Variants in PIAS2 observed in about 807,000 individuals in gnomAD.
PIAS2 encodes the protein E3 SUMO-protein ligase PIAS2.
Under a neutral mutation model 69.7 loss-of-function variants are expected in PIAS2, and 19 were observed. That is an observed-to-expected ratio of 0.27 (90% CI 0.19 to 0.40). The LOEUF (loss-of-function observed/expected upper bound fraction) is 0.40, where lower values mean the gene tolerates loss of function less well. Among genes scored for constraint, PIAS2 ranks in the 10% least tolerant of loss-of-function variants. The pLI is 1.00. For synonymous variants in PIAS2, 261 were observed against 263.2 expected (o/e 0.99, Z 0.08); for missense variants, 624 against 757.0 (o/e 0.82, Z 2.06).
chr18:46,839,871 A>C (rs574965904), intron 8 of PIAS2, among the ~76,000 whole-genome samples: 1 of 151,886 alleles, frequency 6.6e-6, no homozygotes, highest in African/African-American at 2.4e-5. Context: ...GTCAAAAAAA[A>C]AAAAAAAAAG....
intron 2 of PIAS2, among the ~76,000 whole-genome samples, chr18:46,885,431 G>C (rs1003336477): frequency 6.6e-6 from 1 of 151,666 alleles, no homozygotes; most frequent in African/African-American, 2.4e-5. Flanking sequence ...GAGGCAAGGA[G>C]AATTGCTTGA....
intron 2 of PIAS2, among the ~76,000 whole-genome samples, chr18:46,867,094 A>T (rs960000891): frequency 3.3e-4 from 50 of 151,986 alleles, no homozygotes; most frequent in Admixed American, 2.6e-3. Flanking sequence ...TACGCAATAT[A>T]TATGTACAAT....
chr18:46,902,592 AT>A (rs1398249495), intron 1 of PIAS2, among the ~76,000 whole-genome samples: 1 of 152,166 alleles, frequency 6.6e-6, no homozygotes. Flanking sequence ...ACCTAAACAA[AT>A]AAATTCTTCA....
intron 7 of PIAS2, 117 bp from the exon 8 acceptor site, chr18:46,844,244 C>T (rs774752167): frequency 2.6e-5 from 11 of 426,282 alleles, no homozygotes; most frequent in Non-Finnish European, 4.6e-5. Context: ...ATTGACAACA[C>T]GATCACACTC....
At chr18:46,832,436 C>G (rs565766157) in intron 9 of PIAS2, among the ~76,000 whole-genome samples, 3 of 150,162 alleles carry the variant, frequency 2.0e-5, no homozygotes, top group Admixed American at 6.6e-5. Flanking sequence ...AACAAACAAA[C>G]AAACAAAAAA....
intron 1 of PIAS2, chr18:46,901,104 A>T (rs2055765483): frequency 5.5e-6 from 2 of 361,092 alleles, no homozygotes; most frequent in Non-Finnish European, 1.1e-5. Context: ...ATACCAAAAC[A>T]AAACAAAGAC....
At chr18:46,901,706 C>T (rs1266458343) in intron 1 of PIAS2, among the ~76,000 whole-genome samples, 9 of 152,294 alleles carry the variant, frequency 5.9e-5, no homozygotes, top group South Asian at 2.1e-4. Context: ...GCGAAAAACG[C>T]ATTTCACAAA....
At chr18:46,825,613 G>A (rs1413603201) in intron 11 of PIAS2, among the ~76,000 whole-genome samples, 1 of 152,176 alleles carries the variant, frequency 6.6e-6, no homozygotes, top group Non-Finnish European at 1.5e-5. Context: ...CATTCTTGAT[G>A]ATCAGCACTG....
chr18:46,852,649 C>G (rs1268026282), intron 5 of PIAS2: 2 of 152,232 alleles, frequency 1.3e-5, no homozygotes, highest in South Asian at 2.1e-4. Flanking sequence ...CTCAAAAGAA[C>G]TGGAAGAGTA....
upstream of PIAS2, chr18:46,917,528 C>A (rs2058126645): frequency 8.7e-7 from 1 of 1,154,452 alleles, no homozygotes; most frequent in East Asian, 4.2e-5. Flanking sequence ...GGAGCTCCGC[C>A]TCCGACGCGC....
intron 9 of PIAS2, among the ~76,000 whole-genome samples, chr18:46,834,061 C>T (rs559189485): frequency 6.6e-6 from 1 of 151,940 alleles, no homozygotes; most frequent in Admixed American, 6.6e-5. Flanking sequence ...AAGTGCCCTG[C>T]TCACCATTTT....
At chr18:46,817,855 G>T in intron 12 of PIAS2, 1 of 963,976 alleles carries the variant, frequency 1.0e-6, no homozygotes, top group Non-Finnish European at 1.2e-6. Flanking sequence ...TACATTTTAA[G>T]CAGAATATTA....
intron 3 of PIAS2, among the ~76,000 whole-genome samples, chr18:46,860,144 G>A (rs2048441960): frequency 6.6e-6 from 1 of 152,178 alleles, no homozygotes; most frequent in African/African-American, 2.4e-5. Flanking sequence ...CAAGTTGGCT[G>A]CATACCAGAA....
chr18:46,831,905 A>C (rs2043679780), intron 9 of PIAS2, among the ~76,000 whole-genome samples: 1 of 152,230 alleles, frequency 6.6e-6, no homozygotes, highest in Non-Finnish European at 1.5e-5. Context: ...AAAATGTCTT[A>C]AAATAATACC....
intron 12 of PIAS2, among the ~76,000 whole-genome samples, chr18:46,819,230 C>G (rs1483357855): frequency 6.6e-6 from 1 of 152,114 alleles, no homozygotes; most frequent in African/African-American, 2.4e-5. Context: ...AGACACTCTT[C>G]CAACAACCCA....
At chr18:46,833,720 GAAATCTAATAATTA>G (rs1478563210) in intron 9 of PIAS2, among the ~76,000 whole-genome samples, 1 of 152,088 alleles carries the variant, frequency 6.6e-6, no homozygotes, top group East Asian at 1.9e-4. Context: ...CCACATAATA[GAAATCTAATAATTA>G]AAATAGTTTC....
chr18:46,811,766 C>T lies in PIAS2; in HGVS notation c.*667G>A, dbSNP rs563953365. 1 of 152,326 alleles carries T rather than the reference C, an allele frequency of 6.6e-6. No individual in the cohort carries two copies. The highest frequency in any genetic ancestry group is 2.4e-5 in the African/African-American group (1 of 41,568). 9.4% of individuals were successfully genotyped at this position (152,326 alleles called of 1,614,324 possible). ...AGAGTAGCCAAATCCCAGAACTTCA[C>T]ACAGCACTCATTAGCAAACAACGTC... On this transcript the variant is annotated 3_prime_UTR_variant, in exon 14 of 14. Transcript: ENST00000585916.
chr18:46,815,872 G>T (rs367808162), intron 12 of PIAS2: 10 of 985,408 alleles, frequency 1.0e-5, no homozygotes, highest in Non-Finnish European at 1.2e-5. Flanking sequence ...GCACACACTC[G>T]GGAATTGCTG....
intron 5 of PIAS2, chr18:46,853,923 A>G (rs969645429): frequency 1.3e-5 from 2 of 152,294 alleles, no homozygotes; most frequent in Non-Finnish European, 2.9e-5. Context: ...CCCCCTGACC[A>G]TACCTACTCA....
Sources: allele counts gnomAD v4.1 joint callset (sites outside exome capture counted in the v4.1 genomes callset), GRCh38; gene constraint gnomAD v4.1.1; transcripts MANE v1.5; gene names NCBI Gene and HGNC (gene_info 2026-07-23, HGNC 2026-07-21).